HS3ST6: variants seen among roughly 807,000 people sequenced by gnomAD.
HS3ST6 encodes heparan sulfate glucosamine 3-O-sulfotransferase 6.
A neutral mutation model predicts 11.0 loss-of-function variants in HS3ST6; 13 were observed. The observed-to-expected ratio is 1.18, with a 90% CI of 0.77 to 1.88. The LOEUF (loss-of-function observed/expected upper bound fraction) is 1.88, where lower values mean the gene tolerates loss of function less well. HS3ST6 is among the 40% of genes most tolerant of loss of function. The pLI, the probability that HS3ST6 is intolerant of heterozygous loss-of-function variation, is 0.00. For synonymous variants in HS3ST6, 232 were observed against 230.6 expected (o/e 1.01, Z -0.06); for missense variants, 541 against 494.4 (o/e 1.09, Z -0.89).
At chr16:1,919,009 C>T (rs944539365), upstream of HS3ST6, among the ~76,000 whole-genome samples, 1 of 152,196 alleles carries the variant, frequency 6.6e-6, no homozygotes, top group African/African-American at 2.4e-5. Flanking sequence ...CGGGTCACAG[C>T]CTGGCCGCTG....
chr16:1,918,351 C>CG lies in HS3ST6; in HGVS notation c.-29dup. ...GGTCGCGCCGCTCCAGGCCCGGGAG[C>CG]GGGGGCAGCAGGCGGGCGCGCATCT... On this transcript the variant is annotated 5_prime_UTR_variant, in exon 1 of 2. Coordinates refer to ENST00000454677, the MANE Select transcript of HS3ST6 (RefSeq NM_001009606.4). This position sits in a 1 kb window ranked among gnomAD's most constrained non-coding sequence, Gnocchi z 6.0. The CG allele has an allele frequency of 6.5e-6, 2 of 307,300 alleles. No homozygotes were observed. The highest frequency in any genetic ancestry group is 9.6e-6 in the Non-Finnish European group (2 of 208,858). The allele number at this position is 307,300 out of a possible 1,614,324, so 19.0% of individuals were successfully genotyped here. A position where few individuals can be genotyped will look rare whatever the true frequency, so the allele number is the denominator to read the frequency against.
upstream of HS3ST6, among the ~76,000 whole-genome samples, chr16:1,918,780 G>A (rs1182918885): frequency 6.6e-6 from 1 of 152,052 alleles, no homozygotes; most frequent in East Asian, 1.9e-4. The surrounding 1 kb of genome is among the most constrained non-coding windows in gnomAD (Gnocchi z 6.0). Flanking sequence ...CGGGACGTGC[G>A]CGGCAGGTGC....
In HS3ST6 at chr16:1,914,219, G is replaced by A. The variant is rs1025985031; in HGVS notation, c.414-2014C>T. Among the ~76,000 whole-genome samples, 17 of 152,178 alleles carry A rather than the reference G, an allele frequency of 1.1e-4. No homozygotes were observed. In the East Asian group the frequency reaches 2.9e-3, roughly 26 times the overall value. ...CAGTCCCAGAGCCCCTGCACTCCCC[G>A]CCCCACCTCCTGCAGCTGGAACCCG... On this transcript the variant is annotated intron_variant, in intron 1 of 1. Transcript: ENST00000454677.
chr16:1,911,671 C>A lies in HS3ST6; in HGVS notation c.948G>T (p.Leu316=). The change falls in exon 2 of 2, where the codon CTG becomes CTT. Residue 316 remains leucine, a synonymous_variant. Coordinates refer to ENST00000454677, the MANE Select transcript of HS3ST6 (RefSeq NM_001009606.4). ...GRPHPRVPQA[L]VRRLQEFYRP... is the part of the protein sequence containing the mutation. ...GGTAGAACTCCTGCAGGCGCCGGAC[C>A]AGGGCCTGGGGCACGCGTGGGTGTG... 1 of 1,611,606 alleles carries A rather than the reference C, an allele frequency of 6.2e-7. No homozygotes were observed. The highest frequency in any genetic ancestry group is 8.5e-7 in the Non-Finnish European group (1 of 1,178,978).
intron 1 of HS3ST6, among the ~76,000 whole-genome samples, chr16:1,917,163 G>A (rs2082931572): frequency 1.3e-5 from 2 of 152,296 alleles, no homozygotes; most frequent in South Asian, 4.1e-4. Context: ...CTGGAGAAGC[G>A]TCTGGGTCCT....
chr16:1,915,880 G>A (rs908832941), intron 1 of HS3ST6, among the ~76,000 whole-genome samples: 1 of 150,654 alleles, frequency 6.6e-6, no homozygotes, highest in Non-Finnish European at 1.5e-5. Context: ...AGGAAGGCCG[G>A]GTCACCGCCT....
chr16:1,911,896 CAG>C lies in HS3ST6; in HGVS notation c.721_722del (p.Leu241ValfsTer136). 4.4e-6 allele frequency: 7 copies of C among 1,605,504 alleles called. No homozygotes were observed. Among genetic ancestry groups the C allele is most frequent in the South Asian group, 2.2e-5 (2 of 89,998 alleles). On this transcript the variant is annotated frameshift_variant, in exon 2 of 2. Coordinates refer to ENST00000454677, the MANE Select transcript of HS3ST6 (RefSeq NM_001009606.4). LOFTEE classifies it high-confidence loss of function. The part of the protein sequence containing the change: ...HLDHWLRYFP[L>X]SHFLFVSGER... Reference sequence around the variant, plus strand: ...CCCCGCTGACGAACAGGAAGTGGGACAGGGGGAAGTAGCGCAGCCAGTGGTCC... The same window carrying C: ...CCCCGCTGACGAACAGGAAGTGGGACGGGGAAGTAGCGCAGCCAGTGGTCC...
chr16:1,917,945 C>G lies in HS3ST6; in HGVS notation c.379G>C (p.Asp127His), dbSNP rs897787345. The G allele has an allele frequency of 6.6e-7, 1 of 1,509,932 alleles. No homozygotes were observed. Among genetic ancestry groups the G allele is most frequent in the Non-Finnish European group, 8.8e-7 (1 of 1,133,664 alleles). 93.5% of individuals were successfully genotyped at this position (1,509,932 alleles called of 1,614,324 possible). Residue 127 changes from aspartate to histidine, a missense_variant, in exon 1 of 2, where the codon GAC (aspartate) becomes CAC (histidine). Coordinates refer to ENST00000454677, the MANE Select transcript of HS3ST6 (RefSeq NM_001009606.4). Reference protein sequence around the residue: ...RALGSEPHFFDRCYERGLAWY... With the variant: ...RALGSEPHFFHRCYERGLAWY... ...GCGAGGCCGCGCTCGTAGCACCTGTCGAAGAAGTGGGGCTCAGAGCCCAGC... is the reference window on the plus strand; with the variant it reads ...GCGAGGCCGCGCTCGTAGCACCTGTGGAAGAAGTGGGGCTCAGAGCCCAGC...
At position 1,911,897 on chromosome 16, in the gene HS3ST6, A is replaced by G. The variant is rs1431696641; in HGVS notation, c.722T>C (p.Leu241Pro). 1 of 1,604,430 alleles carries G rather than the reference A, an allele frequency of 6.2e-7. No individual in the cohort carries two copies. ...HLDHWLRYFP[L>P]SHFLFVSGER... ...CCCGCTGACGAACAGGAAGTGGGAC[A>G]GGGGGAAGTAGCGCAGCCAGTGGTC... The change falls in exon 2 of 2, where the codon CTG becomes CCG. Residue 241 changes from leucine (L) to proline (P), a missense_variant. By Grantham distance (98) the Leu-to-Pro change is moderately conservative. Coordinates refer to ENST00000454677, the MANE Select transcript of HS3ST6 (RefSeq NM_001009606.4).
chr16:1,917,616 T>C (rs529346149), intron 1 of HS3ST6, among the ~76,000 whole-genome samples: 1 of 152,264 alleles, frequency 6.6e-6, no homozygotes, highest in East Asian at 1.9e-4. Context: ...AAACGACCTC[T>C]GGGCTGGGAA....
chr16:1,912,038 G>T lies in HS3ST6; in HGVS notation c.581C>A (p.Thr194Lys), dbSNP rs561297247. 3.3e-6 allele frequency: 5 copies of T among 1,521,504 alleles called. No homozygotes were observed. The South Asian group carries it at 5.3e-5, about 16-fold the overall frequency. The allele number at this position is 1,521,504 out of a possible 1,614,324, so 94.3% of individuals were successfully genotyped here. ...GGGCAGGCCCGGGGTCTTGGAGAGCGTCTGGGCGTAGTCGGAGATGGCCCG... is the reference window on the plus strand; with the variant it reads ...GGGCAGGCCCGGGGTCTTGGAGAGCTTCTGGGCGTAGTCGGAGATGGCCCG... ...VTRAISDYAQ[T>K]LSKTPGLPSF... The change falls in exon 2 of 2, where the codon ACG (threonine) becomes AAG (lysine). Residue 194 changes from threonine to lysine, a missense_variant. Coordinates refer to ENST00000454677, the MANE Select transcript of HS3ST6 (RefSeq NM_001009606.4). This position sits in a 1 kb window ranked among gnomAD's most constrained non-coding sequence, Gnocchi z 5.6.
Position 1,911,660 on chromosome 16 carries a change from AGGCGCCG to A in HS3ST6, c.952_958del (p.Arg318CysfsTer15). 6.2e-7 allele frequency: 1 copy of A among 1,610,760 alleles called. No homozygotes were observed. The highest frequency in any genetic ancestry group is 8.5e-7 in the Non-Finnish European group (1 of 1,178,640). On this transcript the variant is annotated frameshift_variant, in exon 2 of 2. Coordinates refer to ENST00000454677, the MANE Select transcript of HS3ST6 (RefSeq NM_001009606.4). LOFTEE classifies it high-confidence loss of function. ...GTTGAAGGGCCGGTAGAACTCCTGC[AGGCGCCG>A]GACCAGGGCCTGGGGCACGCGTGGG...
rs2082939453 is a variant in HS3ST6 at position 1,918,140 on chromosome 16, G to T, written c.184C>A (p.Pro62Thr). 1 of 1,196,230 alleles carries T rather than the reference G, an allele frequency of 8.4e-7. No homozygotes were observed. The highest frequency in any genetic ancestry group is 3.5e-5 in the East Asian group (1 of 28,390). 74.1% of individuals were successfully genotyped at this position (1,196,230 alleles called of 1,614,324 possible). The change falls in exon 1 of 2, where the codon CCC (proline) becomes ACC (threonine). Residue 62 changes from proline (P) to threonine (T), a missense_variant. By Grantham distance (38) the Pro-to-Thr change is conservative (BLOSUM62 -1). Coordinates refer to ENST00000454677, the MANE Select transcript of HS3ST6 (RefSeq NM_001009606.4). This position sits in a 1 kb window ranked among gnomAD's most constrained non-coding sequence, Gnocchi z 6.0. ...PPAARAPAPA[P>T]APSEPSSSVH... ...GAGCTGGACGGCTCGGAGGGCGCGG[G>T]GGCCGGCGCGGGGGCGCGGGCGGCC...
upstream of HS3ST6, among the ~76,000 whole-genome samples, chr16:1,919,385 G>T (rs943343092): frequency 6.6e-6 from 1 of 152,206 alleles, no homozygotes; most frequent in Non-Finnish European, 1.5e-5. Flanking sequence ...CATCCCCAAC[G>T]CCCAGCAGCA....
At chr16:1,915,101 C>G (rs1169719027) in intron 1 of HS3ST6, among the ~76,000 whole-genome samples, 1 of 152,190 alleles carries the variant, frequency 6.6e-6, no homozygotes, top group Non-Finnish European at 1.5e-5. Context: ...AAGGGCCTGG[C>G]AGATGCCAAA....
At chr16:1,914,007 G>A (rs8046208) in intron 1 of HS3ST6, among the ~76,000 whole-genome samples, 32,677 of 152,064 alleles carry the variant, frequency 0.21, 3,617 homozygotes, top group South Asian at 0.36. Flanking sequence ...AGACGATACC[G>A]GACAAGTCCT....
At position 1,915,502 on chromosome 16, in the gene HS3ST6, C is replaced by G. The variant is rs141027110; in HGVS notation, c.413+2409G>C. The stretch of plus-strand genomic sequence containing the variant: ...TGTTAGTCAGGCTGGTCTCAAACTC[C>G]TGACCTCAGGTAATCTGCCCACCTC... On this transcript the variant is annotated intron_variant, in intron 1 of 1. Coordinates refer to ENST00000454677, the MANE Select transcript of HS3ST6 (RefSeq NM_001009606.4). 2.0e-3 allele frequency among the ~76,000 whole-genome samples: 308 copies of G among 152,352 alleles called. 1 individual carries two copies. The highest frequency in any genetic ancestry group is 7.0e-3 in the African/African-American group (291 of 41,576).
rs371972747 is a variant in HS3ST6, at chr16:1,912,192, G to A, written c.427C>T (p.Arg143Ter). ...ATGGTGATCTGCCCATCCAGGGTTCGGGGCATCAGACTCCTGCGGGACGGG... is the reference window on the plus strand; with the variant it reads ...ATGGTGATCTGCCCATCCAGGGTTCAGGGCATCAGACTCCTGCGGGACGGG... ...GLAWYRSLMP[R>*]TLDGQITMEK... The change falls in exon 2 of 2, where the codon CGA becomes TGA. Residue 143 changes from arginine (R) to a stop codon, truncating the protein, a stop_gained. Transcript: ENST00000454677. LOFTEE classifies it low-confidence loss of function (END_TRUNC). This position sits in a 1 kb window ranked among gnomAD's most constrained non-coding sequence, Gnocchi z 5.6. 16 of 1,437,792 alleles carry A rather than the reference G, an allele frequency of 1.1e-5. No homozygotes were observed. The highest frequency in any genetic ancestry group is 5.9e-5 in the African/African-American group (4 of 68,080). 89.1% of individuals were successfully genotyped at this position (1,437,792 alleles called of 1,614,324 possible).
chr16:1,919,457 C>G (rs766884144), upstream of HS3ST6, among the ~76,000 whole-genome samples: 1 of 152,218 alleles, frequency 6.6e-6, no homozygotes, highest in Non-Finnish European at 1.5e-5. Flanking sequence ...TTGCCCCATC[C>G]GAAGGCAAAG....
Sources: allele counts gnomAD v4.1 joint callset (sites outside exome capture counted in the v4.1 genomes callset), GRCh38; gene constraint gnomAD v4.1.1; non-coding constraint Gnocchi (gnomAD v3.1); transcripts MANE v1.5; gene names NCBI Gene and HGNC (gene_info 2026-07-23, HGNC 2026-07-21).